Variants in STK31 observed in about 807,000 individuals in gnomAD.
STK31 encodes serine/threonine kinase 31.
STK31 carries 89 observed loss-of-function variants against 129.7 expected under a neutral mutation model. The observed-to-expected ratio is 0.69, with a 90% CI of 0.58 to 0.82. The LOEUF (loss-of-function observed/expected upper bound fraction) is 0.82. Among genes scored for constraint, STK31 ranks in the 40% least tolerant of loss-of-function variants. The pLI, the probability that STK31 is intolerant of heterozygous loss-of-function variation, is 0.00. For missense variants in STK31, 1,187 were observed against 1,176.4 expected (o/e 1.01, Z -0.13); for synonymous variants, 448 against 395.3 (o/e 1.13, Z -1.58).
At chr7:23,791,716 A>G (rs1357156697) in intron 22 of STK31, among the ~76,000 whole-genome samples, 1 of 152,182 alleles carries the variant, frequency 6.6e-6, no homozygotes, top group Admixed American at 6.5e-5. Context: ...GTGTGACAAA[A>G]CCTTATCTTT....
intron 6 of STK31, among the ~76,000 whole-genome samples, chr7:23,733,452 G>A (rs892759119): frequency 2.0e-5 from 3 of 148,370 alleles, no homozygotes; most frequent in African/African-American, 7.5e-5. Context: ...TGTAGTTTGA[G>A]TCTCCTTCTC....
In STK31 at chr7:23,724,600, G is replaced by A. The variant is rs1369586393; in HGVS notation, c.250-2641G>A. 2.0e-5 allele frequency among the ~76,000 whole-genome samples: 3 copies of A among 152,172 alleles called. No individual in the cohort carries two copies. In the East Asian group the frequency reaches 5.8e-4, roughly 29 times the overall value. On this transcript the variant is annotated intron_variant, in intron 4 of 23. Transcript: ENST00000355870. ...CTTATACCAAATTATTAATCATATT[G>A]TGATGTTATTACAAAGCCTTAATTA...
intron 8 of STK31, among the ~76,000 whole-genome samples, chr7:23,737,859 A>G (rs527840280): frequency 3.2e-5 from 3 of 94,862 alleles, no homozygotes; most frequent in African/African-American, 1.1e-4. Context: ...TGTGGTTGAT[A>G]AGTGTGTGTG....
intron 22 of STK31, among the ~76,000 whole-genome samples, chr7:23,791,523 A>T (rs1489652945): frequency 6.6e-6 from 1 of 152,158 alleles, no homozygotes; most frequent in African/African-American, 2.4e-5. Flanking sequence ...TATTAGGCTG[A>T]TTACCTGGGT....
At chr7:23,804,771 A>G (rs1265351140) in intron 22 of STK31, among the ~76,000 whole-genome samples, 1 of 152,238 alleles carries the variant, frequency 6.6e-6, no homozygotes, top group Non-Finnish European at 1.5e-5. Context: ...ATTTTTCAAA[A>G]GTAATAGAGT....
rs568266131 is a variant in STK31 at position 23,752,659 on chromosome 7, A to G, written c.1018-58A>G. 2.9e-5 allele frequency: 37 copies of G among 1,280,306 alleles called. No homozygotes were observed. The South Asian group carries it at 4.3e-4, about 15-fold the overall frequency. The allele number at this position is 1,280,306 out of a possible 1,614,324, so 79.3% of individuals were successfully genotyped here. ...CCCAGCCAAAAATTATTTAAATTAT[A>G]GCAGAAATACAGTTTCCTATTTGGG... On this transcript the variant is annotated intron_variant, in intron 8 of 23. Transcript: ENST00000355870.
intron 13 of STK31, among the ~76,000 whole-genome samples, chr7:23,770,658 A>G (rs1790125762): frequency 6.6e-6 from 1 of 152,078 alleles, no homozygotes; most frequent in Admixed American, 6.6e-5. Flanking sequence ...TCTGTCGCCC[A>G]GGCTGGAGTG....
chr7:23,760,570 A>G (rs1168667676), intron 10 of STK31, among the ~76,000 whole-genome samples: 2 of 152,224 alleles, frequency 1.3e-5, no homozygotes, highest in Non-Finnish European at 2.9e-5. Flanking sequence ...TAAAATGGGC[A>G]TATTTGCTCC....
At chr7:23,717,125 T>A (rs1293553434) in intron 3 of STK31, among the ~76,000 whole-genome samples, 2 of 102,890 alleles carry the variant, frequency 1.9e-5, no homozygotes, top group Non-Finnish European at 4.3e-5. Context: ...TTTTTTTTTT[T>A]AGCATTTCTT....
intron 23 of STK31, among the ~76,000 whole-genome samples, chr7:23,828,973 C>T (rs73273217): frequency 0.053 from 8,071 of 151,790 alleles, 353 homozygotes; most frequent in African/African-American, 0.11. Flanking sequence ...GATCTCAGCG[C>T]GCTGCAACCT....
intron 10 of STK31, among the ~76,000 whole-genome samples, chr7:23,760,688 C>G (rs1312383395): frequency 6.6e-6 from 1 of 152,022 alleles, no homozygotes; most frequent in African/African-American, 2.4e-5. Context: ...GAGGTATGGT[C>G]TCACTCTGTC....
chr7:23,727,911 C>T (rs1191168924), intron 5 of STK31, among the ~76,000 whole-genome samples: 1 of 151,832 alleles, frequency 6.6e-6, no homozygotes, highest in Admixed American at 6.6e-5. Context: ...TTTAAATGTT[C>T]ATTTTATTAA....
chr7:23,806,671 C>T (rs559066077), intron 22 of STK31, among the ~76,000 whole-genome samples: 339 of 152,062 alleles, frequency 2.2e-3, no homozygotes, highest in Non-Finnish European at 3.2e-3. Flanking sequence ...GAGGCCGAGG[C>T]GGGTGGATCA....
chr7:23,756,907 G>A (rs1004230295), intron 10 of STK31, among the ~76,000 whole-genome samples: 2 of 152,108 alleles, frequency 1.3e-5, no homozygotes, highest in Non-Finnish European at 2.9e-5. Flanking sequence ...TTTTATTGAG[G>A]ATTTTCGCAT....
chr7:23,739,984 A>C (rs1787959124), intron 8 of STK31, among the ~76,000 whole-genome samples: 1 of 152,140 alleles, frequency 6.6e-6, no homozygotes, highest in African/African-American at 2.4e-5. Flanking sequence ...ATGAAATTTA[A>C]AGTAGTTTTT....
rs56244148 is a variant in STK31 at position 23,754,358 on chromosome 7, G to A, written c.1177G>A (p.Ala393Thr). ...CCGTTTCGGAAAAGACCTTTCAGAT[G>A]CTATACAAGTGTTGGATGAAGGGTG... ...SVRFGKDLSD[A>T]IQVLDEGCFT... The change falls in exon 10 of 24, where the codon GCT becomes ACT. Residue 393 changes from alanine to threonine, a missense_variant. Coordinates refer to ENST00000355870, the MANE Select transcript of STK31 (RefSeq NM_031414.5). 1 of 1,613,590 alleles carries A rather than the reference G, an allele frequency of 6.2e-7. No homozygotes were observed.
intron 7 of STK31, among the ~76,000 whole-genome samples, 161 bp from the exon 8 acceptor site, chr7:23,736,743 A>C (rs528880784): frequency 6.6e-6 from 1 of 152,306 alleles, no homozygotes; most frequent in South Asian, 2.1e-4. Flanking sequence ...TCTTGTTTGC[A>C]TTAAATTATT....
At chr7:23,765,436 C>T (rs1292143846) in intron 11 of STK31, among the ~76,000 whole-genome samples, 1 of 152,052 alleles carries the variant, frequency 6.6e-6, no homozygotes, top group Non-Finnish European at 1.5e-5. Context: ...TTTGAAAGCA[C>T]CCAACGTATA....
intron 3 of STK31, among the ~76,000 whole-genome samples, chr7:23,713,346 CA>C (rs1786097375): frequency 6.6e-6 from 1 of 152,132 alleles, no homozygotes; most frequent in Non-Finnish European, 1.5e-5. Flanking sequence ...ATGGAGCTTG[CA>C]GGATTAGAAA....
Sources: allele counts gnomAD v4.1 joint callset (sites outside exome capture counted in the v4.1 genomes callset), GRCh38; gene constraint gnomAD v4.1.1; transcripts MANE v1.5; gene names NCBI Gene and HGNC (gene_info 2026-07-23, HGNC 2026-07-21).